Variants in SMURF1 observed in about 807,000 individuals in gnomAD.
SMURF1 encodes SMAD specific E3 ubiquitin protein ligase 1.
A neutral mutation model predicts 98.0 loss-of-function variants in SMURF1; 44 were observed. The ratio of observed to expected loss-of-function variants is 0.45; its 90% CI spans 0.35 to 0.58. SMURF1 has a LOEUF of 0.58. SMURF1 is among the 20% of genes least tolerant of loss of function. The pLI is 0.00. For synonymous variants in SMURF1, 396 were observed against 374.9 expected, an observed-to-expected ratio of 1.06 and a Z score of -0.65; for missense variants, 687 against 938.4, an observed-to-expected ratio of 0.73 and a Z score of 3.50.
At chr7:99,074,861 C>G (rs1796414297) in intron 1 of SMURF1, among the ~76,000 whole-genome samples, 1 of 152,114 alleles carries the variant, frequency 6.6e-6, no homozygotes, top group Non-Finnish European at 1.5e-5. Flanking sequence ...GACCCTATCT[C>G]TATAAAAATT....
intron 8 of SMURF1, chr7:99,050,776 G>T: frequency 1.5e-6 from 1 of 652,810 alleles, no homozygotes; most frequent in African/African-American, 1.8e-5. Context: ...ATTCTCAGAT[G>T]AAACAAATCA....
chr7:99,142,261 G>A (rs1798138028), intron 1 of SMURF1, among the ~76,000 whole-genome samples: 1 of 152,200 alleles, frequency 6.6e-6, no homozygotes, highest in South Asian at 2.1e-4. Flanking sequence ...CTGCGTGTGG[G>A]CAGCTTCCAA....
In SMURF1 at chr7:99,094,905, C is replaced by G. The variant is rs188364219; in HGVS notation, c.56-33068G>C. Among the ~76,000 whole-genome samples the G allele has an allele frequency of 5.1e-4, 77 of 152,246 alleles. No individual in the cohort carries two copies. The East Asian group carries it at 0.012, about 24-fold the overall frequency. ...CCCCAGACAGCGCACCCACAGCCAG[C>G]CAGAGGCTCCCTCAGTTTGGCTACC... is the stretch of plus-strand genomic sequence containing the variant. On this transcript the variant is annotated intron_variant, in intron 1 of 17. Coordinates refer to ENST00000361368, the MANE Select transcript of SMURF1 (RefSeq NM_181349.3).
At chr7:99,099,001 A>G (rs1033723459) in intron 1 of SMURF1, among the ~76,000 whole-genome samples, 2 of 152,196 alleles carry the variant, frequency 1.3e-5, no homozygotes, top group Non-Finnish European at 2.9e-5. Context: ...GGAAGACAAG[A>G]AGGAGTAACT....
At position 99,063,241 on chromosome 7, in the gene SMURF1, TTATATATATATATATATATATATATA is replaced by T. The variant is rs1178325637; in HGVS notation, c.56-1430_56-1405del. ...ATATATATATATATATAAGATTTATTTATATATATATATATATATATATATATATATATATATATATATATATATAT... is the reference window on the plus strand; with the variant it reads ...ATATATATATATATATAAGATTTATTTATATATATATATATATATATATAT... On this transcript the variant is annotated intron_variant, in intron 1 of 17. Transcript: ENST00000361368. Among the ~76,000 whole-genome samples, 95 of 34,890 alleles carry T rather than the reference TTATATATATATATATATATATATATA, an allele frequency of 2.7e-3. 2 individuals carry two copies. The highest frequency in any genetic ancestry group is 0.031 in the Middle Eastern group (2 of 64). 22.9% of individuals were successfully genotyped at this position (34,890 alleles called of 152,430 possible). A position where few individuals can be genotyped will look rare whatever the true frequency, so the allele number is the denominator to read the frequency against.
intron 1 of SMURF1, among the ~76,000 whole-genome samples, chr7:99,068,670 A>G (rs572752167): frequency 2.0e-4 from 31 of 152,164 alleles, no homozygotes; most frequent in Non-Finnish European, 4.0e-4. Context: ...CAACAACAAC[A>G]AAAATCTCTA....
chr7:99,050,962 T>TG, intron 8 of SMURF1: 3 of 1,551,394 alleles, frequency 1.9e-6, no homozygotes, highest in Non-Finnish European at 2.6e-6. Context: ...ATAGAAAAGC[T>TG]GCATCTCCCC....
chr7:99,038,723 C>G (rs1425416922), intron 13 of SMURF1, among the ~76,000 whole-genome samples, 198 bp from the exon 14 acceptor site: 1 of 152,110 alleles, frequency 6.6e-6, no homozygotes, highest in African/African-American at 2.4e-5. Context: ...TCCAGATGTC[C>G]CGGCTCCTGG....
intron 9 of SMURF1, chr7:99,049,265 C>A: frequency 2.9e-6 from 1 of 343,648 alleles, no homozygotes; most frequent in Non-Finnish European, 5.4e-6. Context: ...GGCCACGTGT[C>A]TCATGAGAGC....
intron 1 of SMURF1, among the ~76,000 whole-genome samples, chr7:99,139,319 CT>C (rs2150655975): frequency 6.6e-6 from 1 of 152,288 alleles, no homozygotes; most frequent in Admixed American, 6.5e-5. Context: ...CAAGGAAAGT[CT>C]CTTTGTTCCT....
At chr7:99,073,402 G>A (rs551074997) in intron 1 of SMURF1, among the ~76,000 whole-genome samples, 1 of 148,318 alleles carries the variant, frequency 6.7e-6, no homozygotes, top group African/African-American at 2.5e-5. Flanking sequence ...GAAAAAATTT[G>A]TCACAACATT....
At chr7:99,100,292 C>T (rs924527689) in intron 1 of SMURF1, among the ~76,000 whole-genome samples, 49 of 152,354 alleles carry the variant, frequency 3.2e-4, no homozygotes, top group African/African-American at 1.0e-3. Flanking sequence ...CAATGGCTCA[C>T]GCCTGTAATC....
chr7:99,040,350 A>G lies in SMURF1; in HGVS notation c.1550+28T>C, dbSNP rs755699492. ...TAGACGTGGTGGTGGGCCCTAAGCC[A>G]GGTGACCGGCCGTCAGTCAATACTT... On this transcript the variant is annotated intron_variant, in intron 13 of 17. Coordinates refer to ENST00000361368, the MANE Select transcript of SMURF1 (RefSeq NM_181349.3). The G allele has an allele frequency of 4.9e-6, 7 of 1,440,412 alleles. No individual in the cohort carries two copies. In the African/African-American group the frequency reaches 1.0e-4, roughly 21 times the overall value. 89.2% of individuals were successfully genotyped at this position (1,440,412 alleles called of 1,614,324 possible). A position where few individuals can be genotyped will look rare whatever the true frequency, so the allele number is the denominator to read the frequency against.
intron 1 of SMURF1, among the ~76,000 whole-genome samples, chr7:99,132,718 A>G (rs1337081431): frequency 1.3e-5 from 2 of 151,410 alleles, no homozygotes. Context: ...ACACACACAC[A>G]CACACACAGA....
At chr7:99,100,250 T>C (rs901099302) in intron 1 of SMURF1, among the ~76,000 whole-genome samples, 5 of 152,220 alleles carry the variant, frequency 3.3e-5, no homozygotes, top group Admixed American at 3.3e-4. Context: ...CAGCAGTTAA[T>C]TTCAATTTAA....
intron 11 of SMURF1, among the ~76,000 whole-genome samples, chr7:99,043,160 C>T (rs1206843422): frequency 2.0e-5 from 3 of 152,072 alleles, no homozygotes; most frequent in Admixed American, 6.6e-5. Context: ...ACATTCCGAC[C>T]GAGCCATGGA....
chr7:99,135,876 G>A (rs183582642), intron 1 of SMURF1, among the ~76,000 whole-genome samples: 1 of 152,308 alleles, frequency 6.6e-6, no homozygotes, highest in African/African-American at 2.4e-5. Context: ...TAAAAGACCT[G>A]TTTTTCCACA....
chr7:99,057,968 C>A lies in SMURF1; in HGVS notation c.204-417G>T, dbSNP rs528089332. ...TAAGAAACCTTATAAAATAATGTTG[C>A]CTCTGTATTACACATGTAACAGGCA... On this transcript the variant is annotated intron_variant, in intron 3 of 17. Transcript: ENST00000361368. Among the ~76,000 whole-genome samples the A allele has an allele frequency of 3.3e-5, 5 of 152,122 alleles. No homozygotes were observed. In the East Asian group the frequency reaches 9.7e-4, roughly 29 times the overall value.
At chr7:99,077,125 TTAA>T (rs1429369272) in intron 1 of SMURF1, among the ~76,000 whole-genome samples, 1 of 152,046 alleles carries the variant, frequency 6.6e-6, no homozygotes. Context: ...TTATCTTTCT[TTAA>T]TAATAAATTA....
Sources: allele counts gnomAD v4.1 joint callset (sites outside exome capture counted in the v4.1 genomes callset), GRCh38; gene constraint gnomAD v4.1.1; transcripts MANE v1.5; gene names NCBI Gene and HGNC (gene_info 2026-07-23, HGNC 2026-07-21).